PLEKHH1: variants seen among roughly 807,000 people sequenced by gnomAD.
PLEKHH1 encodes pleckstrin homology, MyTH4 and FERM domain containing H1, also known as pleckstrin homology domain-containing family H member 1.
In PLEKHH1, 104 loss-of-function variants were observed where a neutral mutation model predicts 160.0. That is an observed-to-expected ratio of 0.65 (90% confidence interval 0.55 to 0.76). The LOEUF (loss-of-function observed/expected upper bound fraction) is 0.76. PLEKHH1 is among the 30% of genes least tolerant of loss of function. PLEKHH1 has a pLI of 0.00. For synonymous variants in PLEKHH1, 619 were observed against 678.4 expected (o/e 0.91, Z 1.36); for missense variants, 1,427 against 1,724.1 (o/e 0.83, Z 3.05).
rs2034884547 is a variant in PLEKHH1 at position 67,562,453 on chromosome 14, C to T, written c.822C>T (p.Thr274=). The T allele has an allele frequency of 1.2e-6, 2 of 1,613,914 alleles. No homozygotes were observed. Among genetic ancestry groups the T allele is most frequent in the Middle Eastern group, 1.7e-4 (1 of 6,060 alleles). ...PPHQPCMKLL[T]FRCSSASWGE... ...ACCAGCCATGCATGAAGCTTCTTAC[C>T]TTCAGATGTAGTTCAGCTTCCTGGG... Residue 274 remains threonine, a synonymous_variant, in exon 7 of 29, where the codon ACC becomes ACT. Transcript: ENST00000329153.
rs1208538189 is a variant in PLEKHH1, at chr14:67,580,033, T to C, written c.3183+157T>C. ...TCAGCATTTCTGTGCCATCCTAAAA[T>C]GTACCTGGGCAGGGAGAAAAAAGCT... On this transcript the variant is annotated intron_variant, in intron 22 of 28. Transcript: ENST00000329153. The C allele has an allele frequency of 4.5e-6, 3 of 666,112 alleles. No homozygotes were observed. In the African/African-American group the frequency reaches 5.4e-5, roughly 12 times the overall value. 41.3% of individuals were successfully genotyped at this position (666,112 alleles called of 1,614,324 possible). A position where few individuals can be genotyped will look rare whatever the true frequency, so the allele number is the denominator to read the frequency against.
chr14:67,569,291 C>G, intron 8 of PLEKHH1, 75 bp downstream of exon 8: 1 of 1,018,460 alleles, frequency 9.8e-7, no homozygotes, highest in Middle Eastern at 2.1e-4. Flanking sequence ...GGAGAAGACT[C>G]CAAGCAACAC....
intron 7 of PLEKHH1, among the ~76,000 whole-genome samples, chr14:67,564,310 G>A (rs2034982067): frequency 3.9e-5 from 6 of 152,128 alleles, no homozygotes. Context: ...TTCCTTACTT[G>A]TAACATTGGA....
intron 23 of PLEKHH1, 199 bp from the exon 24 acceptor site, chr14:67,581,870 G>T (rs1346551079): frequency 1.8e-6 from 1 of 563,970 alleles, no homozygotes; most frequent in Non-Finnish European, 3.2e-6. Flanking sequence ...CCCTCCTGTT[G>T]GTATGAGATC....
At chr14:67,564,939 C>T (rs761069935) in intron 7 of PLEKHH1, among the ~76,000 whole-genome samples, 1 of 152,160 alleles carries the variant, frequency 6.6e-6, no homozygotes, top group Non-Finnish European at 1.5e-5. Flanking sequence ...GGTCCTCCCA[C>T]CTTGACCTCC....
At position 67,562,266 on chromosome 14, in the gene PLEKHH1, A is replaced by C. The variant is rs968338330; in HGVS notation, c.635A>C (p.Lys212Thr). The change falls in exon 7 of 29, where the codon AAG becomes ACG. Residue 212 changes from lysine to threonine, a missense_variant. Transcript: ENST00000329153. ...QDSGSQAQGL[K>T]AAVLAPSPGA... ...AGTGGCTCCCAGGCCCAGGGTCTGA[A>C]GGCAGCTGTGCTTGCACCTTCCCCA... 6.2e-6 allele frequency: 10 copies of C among 1,613,344 alleles called. No individual in the cohort carries two copies. In the African/African-American group the frequency reaches 1.3e-4, roughly 22 times the overall value.
intron 1 of PLEKHH1, among the ~76,000 whole-genome samples, chr14:67,537,196 T>C (rs1257378117): frequency 7.3e-6 from 1 of 136,240 alleles, no homozygotes; most frequent in African/African-American, 2.8e-5. Flanking sequence ...AATACAAAAA[T>C]TAGCCAGTGT....
intron 26 of PLEKHH1, among the ~76,000 whole-genome samples, chr14:67,584,484 G>A (rs1186010101): frequency 6.6e-6 from 1 of 152,186 alleles, no homozygotes; most frequent in African/African-American, 2.4e-5. Context: ...TGGCATACAG[G>A]GGAATCAAAT....
chr14:67,545,945 TAAA>T (rs60607551), intron 2 of PLEKHH1, among the ~76,000 whole-genome samples: 1 of 140,912 alleles, frequency 7.1e-6, no homozygotes. Context: ...GCTCTGCTGC[TAAA>T]AAAAAAAAAA....
At position 67,580,125 on chromosome 14, in the gene PLEKHH1, G is replaced by A. The variant is rs142459465; in HGVS notation, c.3183+249G>A. The A allele has an allele frequency of 4.9e-4, 209 of 430,768 alleles. 3 individuals carry two copies. In the East Asian group the frequency reaches 8.3e-3, roughly 17 times the overall value. 26.7% of individuals were successfully genotyped at this position (430,768 alleles called of 1,614,324 possible). A position where few individuals can be genotyped will look rare whatever the true frequency, so the allele number is the denominator to read the frequency against. ...TACTTCCCTCGAGTGGCTGTGCAGC[G>A]TCCAGAAGAAAAGCCTCTTCTTGGC... On this transcript the variant is annotated intron_variant, in intron 22 of 28. Coordinates refer to ENST00000329153, the MANE Select transcript of PLEKHH1 (RefSeq NM_020715.3).
Position 67,578,456 on chromosome 14 carries a change from G to C in PLEKHH1, c.2752-78G>C. Reference sequence around the variant, plus strand: ...CTGGTTTGGGGAAAGAGTGCTGAAGGCTCTGTAGCTCAGGGCTATGAGGAC... The same window carrying C: ...CTGGTTTGGGGAAAGAGTGCTGAAGCCTCTGTAGCTCAGGGCTATGAGGAC... On this transcript the variant is annotated intron_variant, in intron 19 of 28. Transcript: ENST00000329153. The surrounding 1 kb of genome is among the most constrained non-coding windows in gnomAD (Gnocchi z 5.0). 2 of 1,048,796 alleles carry C rather than the reference G, an allele frequency of 1.9e-6. No individual in the cohort carries two copies. The highest frequency in any genetic ancestry group is 2.9e-6 in the Non-Finnish European group (2 of 690,672). 65.0% of individuals were successfully genotyped at this position (1,048,796 alleles called of 1,614,324 possible). A position where few individuals can be genotyped will look rare whatever the true frequency, so the allele number is the denominator to read the frequency against.
chr14:67,569,328 C>G (rs572403530), intron 8 of PLEKHH1, 112 bp downstream of exon 8: 424 of 684,904 alleles, frequency 6.2e-4, no homozygotes, highest in Non-Finnish European at 1.0e-3. Context: ...CTGGCCTACC[C>G]TGTTCCCCTC....
chr14:67,572,097 T>C, intron 10 of PLEKHH1, 38 bp from the exon 11 acceptor site: 3 of 1,583,946 alleles, frequency 1.9e-6, no homozygotes, highest in Non-Finnish European at 2.6e-6. Context: ...GTCGGGGAGG[T>C]GTGGGACCCG....
intron 7 of PLEKHH1, among the ~76,000 whole-genome samples, chr14:67,565,369 G>C (rs1282644845): frequency 6.6e-6 from 1 of 152,078 alleles, no homozygotes; most frequent in Non-Finnish European, 1.5e-5. Context: ...CCAGCCTTCT[G>C]AGCAGCTGGG....
At chr14:67,555,387 G>A (rs2034552207) in intron 2 of PLEKHH1, among the ~76,000 whole-genome samples, 1 of 152,240 alleles carries the variant, frequency 6.6e-6, no homozygotes, top group Non-Finnish European at 1.5e-5. Context: ...TTCTGAGTGG[G>A]GAGAAGTGTT....
intron 2 of PLEKHH1, among the ~76,000 whole-genome samples, chr14:67,553,402 C>A (rs1341445347): frequency 6.6e-6 from 1 of 152,078 alleles, no homozygotes; most frequent in African/African-American, 2.4e-5. Context: ...AAACCCAACT[C>A]TGTCTGGCTT....
Position 67,585,940 on chromosome 14 carries a change from C to G in PLEKHH1, c.3787-11C>G. The G allele has an allele frequency of 1.9e-6, 3 of 1,607,876 alleles. No homozygotes were observed. Among genetic ancestry groups the G allele is most frequent in the Non-Finnish European group, 2.5e-6 (3 of 1,177,236 alleles). Reference sequence around the variant, plus strand: ...AAAGTTTCCCCACAACTGACTGGTTCCTTTCCACAGCAAGTGCACATCACT... The same window carrying G: ...AAAGTTTCCCCACAACTGACTGGTTGCTTTCCACAGCAAGTGCACATCACT... On this transcript the variant is annotated splice_polypyrimidine_tract_variant and intron_variant, in intron 27 of 28. Transcript: ENST00000329153.
At chr14:67,559,974 G>C (rs1248684066) in intron 5 of PLEKHH1, among the ~76,000 whole-genome samples, 2 of 152,176 alleles carry the variant, frequency 1.3e-5, no homozygotes, top group African/African-American at 4.8e-5. Flanking sequence ...TTTCTTTCTA[G>C]GAAGCCCACA....
rs2140579500 is a variant in PLEKHH1, at chr14:67,587,114, AT to A, written c.3976del (p.Cys1326AlafsTer5). 4.3e-6 allele frequency: 7 copies of A among 1,613,594 alleles called. No homozygotes were observed. Among genetic ancestry groups the A allele is most frequent in the South Asian group, 1.1e-5 (1 of 91,026 alleles). Reference protein sequence around the residue: ...ATFIMASYMNHCTTTVNPPTN... With the variant: ...ATFIMASYMNXCTTTVNPPTN... Reference sequence around the variant, plus strand: ...TTCATCATGGCCAGCTATATGAACCATTGCACTACAACTGTGAACCCCCCCA... The same window carrying A: ...TTCATCATGGCCAGCTATATGAACCATGCACTACAACTGTGAACCCCCCCA... On this transcript the variant is annotated frameshift_variant, in exon 29 of 29. Coordinates refer to ENST00000329153, the MANE Select transcript of PLEKHH1 (RefSeq NM_020715.3). LOFTEE classifies it high-confidence loss of function.
Sources: allele counts gnomAD v4.1 joint callset (sites outside exome capture counted in the v4.1 genomes callset), GRCh38; gene constraint gnomAD v4.1.1; non-coding constraint Gnocchi (gnomAD v3.1); transcripts MANE v1.5; gene names NCBI Gene and HGNC (gene_info 2026-07-23, HGNC 2026-07-21).